The following PTPRD variants were observed in gnomAD, a reference collection of about 807,000 sequenced individuals.
PTPRD encodes protein tyrosine phosphatase receptor type D, also known as receptor-type tyrosine-protein phosphatase delta.
PTPRD carries 34 observed loss-of-function variants against 214.5 expected under a neutral mutation model. The ratio of observed to expected loss-of-function variants is 0.16; its 90% CI spans 0.12 to 0.21. PTPRD has a LOEUF of 0.21. PTPRD is among the 10% of genes least tolerant of loss of function. The pLI, the probability that PTPRD is intolerant of heterozygous loss-of-function variation, is 1.00. For missense variants in PTPRD, 2,545 were observed against 2,398.7 expected, an observed-to-expected ratio of 1.06 and a Z score of -1.27; for synonymous variants, 1,128 against 845.7, an observed-to-expected ratio of 1.33 and a Z score of -5.79.
At chr9:10,415,378 T>G (rs868758994) in intron 2 of PTPRD, among the ~76,000 whole-genome samples, 2 of 151,924 alleles carry the variant, frequency 1.3e-5, no homozygotes, top group African/African-American at 2.4e-5. Flanking sequence ...CTATTTTATA[T>G]GCTCAGAACA....
At chr9:8,737,551 T>C (rs1168783879) in intron 11 of PTPRD, among the ~76,000 whole-genome samples, 1 of 151,128 alleles carries the variant, frequency 6.6e-6, no homozygotes, top group Non-Finnish European at 1.5e-5. Context: ...GGAGGTTCAG[T>C]GATATTAAAA....
intron 8 of PTPRD, among the ~76,000 whole-genome samples, chr9:9,488,578 T>C (rs1232877576): frequency 2.0e-5 from 3 of 152,174 alleles, no homozygotes; most frequent in Non-Finnish European, 4.4e-5. Flanking sequence ...AAAATAAGGC[T>C]ATTATTTTTA....
intron 12 of PTPRD, among the ~76,000 whole-genome samples, chr9:8,663,418 G>C (rs1314588863): frequency 1.3e-5 from 2 of 150,314 alleles, no homozygotes; most frequent in East Asian, 3.9e-4. Flanking sequence ...CTGAATGTTA[G>C]GTGGGAAATT....
chr9:8,654,742 A>C (rs912056669), intron 12 of PTPRD, among the ~76,000 whole-genome samples: 1 of 152,172 alleles, frequency 6.6e-6, no homozygotes, highest in Non-Finnish European at 1.5e-5. Flanking sequence ...ATTTTTGGTA[A>C]AAAATAAACT....
intron 8 of PTPRD, among the ~76,000 whole-genome samples, chr9:9,505,283 T>G (rs796349277): frequency 4.0e-5 from 6 of 151,778 alleles, no homozygotes; most frequent in African/African-American, 1.4e-4. Flanking sequence ...TAGATCCATT[T>G]TTTTAAATCC....
chr9:9,885,650 T>C (rs181746677), intron 5 of PTPRD, among the ~76,000 whole-genome samples: 69 of 152,094 alleles, frequency 4.5e-4, no homozygotes, highest in African/African-American at 1.7e-3. Context: ...AATGTGGCCA[T>C]GGAAAGAGGT....
rs892171788 is a variant in PTPRD, at chr9:9,888,701, C to G, written c.-368+49806G>C. Among the ~76,000 whole-genome samples the G allele has an allele frequency of 3.3e-5, 5 of 152,116 alleles. No individual in the cohort carries two copies. In the East Asian group the frequency reaches 9.7e-4, roughly 29 times the overall value. ...CCCTCAGCAGATACAGATTCTTGTG[C>G]CATGCTTCTCATATGGCTGAACCAT... On this transcript the variant is annotated intron_variant, in intron 5 of 45. Transcript: ENST00000381196.
chr9:9,352,803 T>A (rs1272647276), intron 9 of PTPRD, among the ~76,000 whole-genome samples: 1 of 151,968 alleles, frequency 6.6e-6, no homozygotes, highest in Non-Finnish European at 1.5e-5. Flanking sequence ...AAGAAGATTC[T>A]CTTCTTAAAT....
chr9:8,377,452 C>CA (rs1294634984), intron 37 of PTPRD, among the ~76,000 whole-genome samples: 1 of 151,986 alleles, frequency 6.6e-6, no homozygotes, highest in Non-Finnish European at 1.5e-5. Flanking sequence ...TAGTTTAACA[C>CA]ACAACAAAGA....
intron 8 of PTPRD, among the ~76,000 whole-genome samples, chr9:9,459,960 G>C (rs1360237108): frequency 6.6e-6 from 1 of 152,076 alleles, no homozygotes; most frequent in Non-Finnish European, 1.5e-5. Flanking sequence ...CAAGGCTATA[G>C]TAACCAAAAC....
intron 8 of PTPRD, among the ~76,000 whole-genome samples, chr9:9,450,374 T>C (rs1020456784): frequency 1.3e-5 from 2 of 151,944 alleles, no homozygotes; most frequent in African/African-American, 4.8e-5. Flanking sequence ...ACTAGCAACA[T>C]TCCCACCAGC....
chr9:8,888,655 C>T (rs926473877), intron 11 of PTPRD, among the ~76,000 whole-genome samples: 1 of 152,180 alleles, frequency 6.6e-6, no homozygotes, highest in African/African-American at 2.4e-5. Flanking sequence ...TTTATGGCTG[C>T]TTCTAACTGT....
At chr9:8,336,347 G>A (rs1846661075) in intron 43 of PTPRD, among the ~76,000 whole-genome samples, 2 of 149,306 alleles carry the variant, frequency 1.3e-5, no homozygotes, top group African/African-American at 5.1e-5. Context: ...AACAAGAATG[G>A]GGAAAGGCTC....
At chr9:9,124,568 T>C (rs1012168495) in intron 10 of PTPRD, among the ~76,000 whole-genome samples, 4 of 152,164 alleles carry the variant, frequency 2.6e-5, no homozygotes, top group Non-Finnish European at 4.4e-5. Flanking sequence ...AGCTCTAAAA[T>C]TGCCTTTAAA....
intron 3 of PTPRD, among the ~76,000 whole-genome samples, chr9:10,284,443 T>A (rs1323500): frequency 6.6e-6 from 1 of 151,992 alleles, no homozygotes; most frequent in African/African-American, 2.4e-5. Flanking sequence ...GCATATGATA[T>A]AAAATTATCA....
intron 34 of PTPRD, among the ~76,000 whole-genome samples, chr9:8,439,210 C>A (rs996946811): frequency 2.0e-5 from 3 of 152,148 alleles, no homozygotes; most frequent in African/African-American, 7.2e-5. Flanking sequence ...GCTTAGAATA[C>A]TGGACATGGG....
At chr9:8,919,249 T>C (rs1040053375) in intron 11 of PTPRD, among the ~76,000 whole-genome samples, 5 of 151,908 alleles carry the variant, frequency 3.3e-5, no homozygotes, top group Non-Finnish European at 7.4e-5. Context: ...AAAAATTAGC[T>C]GGGCGTGGTG....
intron 9 of PTPRD, among the ~76,000 whole-genome samples, chr9:9,328,878 C>T (rs1319131130): frequency 2.0e-5 from 3 of 151,542 alleles, no homozygotes; most frequent in African/African-American, 7.3e-5. Context: ...CCTCAAGTTA[C>T]TCACTTGCTT....
intron 2 of PTPRD, among the ~76,000 whole-genome samples, chr9:10,485,270 G>GT (rs1391734149): frequency 6.6e-6 from 1 of 151,994 alleles, no homozygotes; most frequent in Non-Finnish European, 1.5e-5. Context: ...CTATAGCCCT[G>GT]TGGTATGATT....
Sources: gnomAD v4.1 joint callset for allele counts (sites outside exome capture counted in the v4.1 genomes callset) on GRCh38, gnomAD v4.1.1 for gene constraint, MANE v1.5 for transcripts, NCBI Gene and HGNC (gene_info 2026-07-23, HGNC 2026-07-21) for gene names.